The following LGSN variants were observed in gnomAD, a reference collection of about 807,000 sequenced individuals.
The protein encoded by LGSN is lengsin.
A neutral mutation model predicts 19.5 loss-of-function variants in LGSN; 21 were observed. The ratio of observed to expected loss-of-function variants is 1.07; its 90% CI spans 0.76 to 1.55. The LOEUF (loss-of-function observed/expected upper bound fraction) is 1.55, where lower values mean the gene tolerates loss of function less well. Ranked by LOEUF, LGSN falls within the 40% of genes most tolerant of loss-of-function variation. The pLI is 0.00. For synonymous variants in LGSN, 257 were observed against 215.6 expected (o/e 1.19, Z -1.68); for missense variants, 673 against 608.5 (o/e 1.11, Z -1.12).
At chr6:63,443,541 C>T in the LGSN span, 2 of 891,914 alleles carry the variant, frequency 2.2e-6, no homozygotes, top group Non-Finnish European at 2.8e-6. Flanking sequence ...GGTCCAGGGT[C>T]TGCACCACCA....
intron 1 of LGSN, among the ~76,000 whole-genome samples, chr6:63,308,031 G>A (rs1044154018): frequency 2.6e-5 from 4 of 152,138 alleles, no homozygotes; most frequent in Non-Finnish European, 5.9e-5. Context: ...AGAAGAGGGC[G>A]CATTTCAGCT....
chr6:63,449,613 CA>C, the LGSN span, among the ~76,000 whole-genome samples: 1 of 150,854 alleles, frequency 6.6e-6, no homozygotes, highest in Non-Finnish European at 1.5e-5. Flanking sequence ...GGCAATTGTT[CA>C]AAATTCCTAG....
At chr6:63,407,112 T>C in the LGSN span, among the ~76,000 whole-genome samples, 4 of 151,962 alleles carry the variant, frequency 2.6e-5, no homozygotes, top group Admixed American at 6.6e-5. Context: ...AAGGAGGAAC[T>C]GGTACCATTC....
the LGSN span, among the ~76,000 whole-genome samples, chr6:63,472,465 C>T: frequency 1.3e-5 from 2 of 152,170 alleles, no homozygotes; most frequent in African/African-American, 4.8e-5. Context: ...TCAAAAGCCA[C>T]TCTCATGTAT....
the LGSN span, among the ~76,000 whole-genome samples, chr6:63,373,715 G>A: frequency 6.6e-6 from 1 of 152,146 alleles, no homozygotes; most frequent in African/African-American, 2.4e-5. Flanking sequence ...GCTCATGCCT[G>A]TAATTCCAGC....
the LGSN span, among the ~76,000 whole-genome samples, chr6:63,475,801 T>G: frequency 6.6e-6 from 1 of 152,304 alleles, no homozygotes; most frequent in African/African-American, 2.4e-5. Context: ...AGATCAGAAT[T>G]TAGTCACACA....
At chr6:63,511,714 GT>G in the LGSN span, among the ~76,000 whole-genome samples, 1 of 152,072 alleles carries the variant, frequency 6.6e-6, no homozygotes, top group Admixed American at 6.6e-5. Context: ...TTATTTTATG[GT>G]TTTGAATTGT....
chr6:63,422,034 A>T, the LGSN span, among the ~76,000 whole-genome samples: 1 of 152,194 alleles, frequency 6.6e-6, no homozygotes, highest in South Asian at 2.1e-4. Flanking sequence ...TAATAGTCAA[A>T]TTTCTGCAAA....
At chr6:63,322,867 T>A (rs964484241), upstream of LGSN, among the ~76,000 whole-genome samples, 1 of 152,184 alleles carries the variant, frequency 6.6e-6, no homozygotes, top group African/African-American at 2.4e-5. Flanking sequence ...GCAGGGAAAC[T>A]GAAGAATATT....
At chr6:63,282,683 C>T (rs1230924000) in intron 3 of LGSN, among the ~76,000 whole-genome samples, 1 of 152,202 alleles carries the variant, frequency 6.6e-6, no homozygotes, top group Non-Finnish European at 1.5e-5. Context: ...TGCTATTTGA[C>T]TGAACTGATC....
the LGSN span, among the ~76,000 whole-genome samples, chr6:63,419,102 A>G: frequency 4.6e-5 from 7 of 151,858 alleles, no homozygotes; most frequent in Admixed American, 4.6e-4. Context: ...TCAGCAATAA[A>G]TCTGGGATAC....
intron 3 of LGSN, 152 bp downstream of exon 3, chr6:63,285,435 T>C: frequency 3.2e-6 from 2 of 633,530 alleles, no homozygotes; most frequent in South Asian, 2.5e-5. Flanking sequence ...CAATAATGTG[T>C]TTGGGAGGAA....
At chr6:63,453,522 G>A in the LGSN span, among the ~76,000 whole-genome samples, 1 of 151,096 alleles carries the variant, frequency 6.6e-6, no homozygotes, top group African/African-American at 2.4e-5. Flanking sequence ...GTAATGTAAT[G>A]TTCTTCATTA....
the LGSN span, among the ~76,000 whole-genome samples, chr6:63,328,361 G>A: frequency 2.0e-5 from 3 of 152,302 alleles, no homozygotes; most frequent in East Asian, 5.8e-4. Context: ...AAAAGGGGCA[G>A]GGTTGAGGGC....
At chr6:63,432,521 C>T in the LGSN span, among the ~76,000 whole-genome samples, 1 of 151,820 alleles carries the variant, frequency 6.6e-6, no homozygotes, top group African/African-American at 2.4e-5. Flanking sequence ...GAAACCCCGA[C>T]TCTACTAAAA....
chr6:63,522,453 C>T, the LGSN span, among the ~76,000 whole-genome samples: 1 of 152,136 alleles, frequency 6.6e-6, no homozygotes, highest in Admixed American at 6.6e-5. Flanking sequence ...TCAGGTGAAA[C>T]AGACCAAATG....
At chr6:63,474,061 G>C in the LGSN span, among the ~76,000 whole-genome samples, 1 of 151,802 alleles carries the variant, frequency 6.6e-6, no homozygotes. Flanking sequence ...CCCAAATCCA[G>C]CTTTCCATGG....
At chr6:63,549,198 G>A in the LGSN span, 1 of 703,754 alleles carries the variant, frequency 1.4e-6, no homozygotes, top group East Asian at 2.6e-5. Flanking sequence ...CTTAGTCTCT[G>A]ATCTGTACTT....
rs1227000761 is a variant in LGSN, at chr6:63,279,082, C to T, written c.*939G>A. ...CAGGTAATATTCTCTGGGGAGGTAC[C>T]AACCTCTGTGAGCAGCAGATTCAGT... On this transcript the variant is annotated 3_prime_UTR_variant, in exon 4 of 4. Coordinates refer to ENST00000370657, the MANE Select transcript of LGSN (RefSeq NM_016571.3). 1.3e-5 allele frequency: 2 copies of T among 152,164 alleles called. No homozygotes were observed. Among genetic ancestry groups the T allele is most frequent in the Admixed American group, 1.3e-4 (2 of 15,284 alleles). The allele number at this position is 152,164 out of a possible 1,614,324, so 9.4% of individuals were successfully genotyped here.
Sources: allele counts gnomAD v4.1 joint callset (sites outside exome capture counted in the v4.1 genomes callset), GRCh38; gene constraint gnomAD v4.1.1; transcripts MANE v1.5; gene names NCBI Gene and HGNC (gene_info 2026-07-23, HGNC 2026-07-21).